TRPC5: variants seen among roughly 807,000 people sequenced by gnomAD.
TRPC5 encodes the protein short transient receptor potential channel 5.
Under a neutral mutation model 56.5 loss-of-function variants are expected in TRPC5, and 9 were observed. That is an observed-to-expected ratio of 0.16 (90% CI 0.10 to 0.28). The LOEUF is 0.28. Among genes scored for constraint, TRPC5 ranks in the 10% least tolerant of loss-of-function variants. The pLI, the probability that TRPC5 is intolerant of heterozygous loss-of-function variation, is 1.00. For synonymous variants in TRPC5, 282 were observed against 278.5 expected (o/e 1.01, Z -0.13); for missense variants, 469 against 748.9 (o/e 0.63, Z 4.36).
At chrX:111,882,686 G>A (rs778054247) in intron 3 of TRPC5, among the ~76,000 whole-genome samples, 1 of 112,795 alleles carries the variant, frequency 8.9e-6, no homozygotes, top group South Asian at 3.7e-4. Context: ...AAGGCAGCTT[G>A]GTTACAATCT....
chrX:111,964,661 G>A lies in TRPC5; in HGVS notation c.-21-12220C>T, dbSNP rs201523714. ...CTCTACAAGCCAGAAGAGAGTGGGGGCCAATATTCAACACCCTTAAAGAAA... is the reference window on the plus strand; with the variant it reads ...CTCTACAAGCCAGAAGAGAGTGGGGACCAATATTCAACACCCTTAAAGAAA... On this transcript the variant is annotated intron_variant, in intron 1 of 10. Transcript: ENST00000262839. Among the ~76,000 whole-genome samples, 8 of 112,334 alleles carry A rather than the reference G, an allele frequency of 7.1e-5. No individual in the cohort carries two copies. In the East Asian group the frequency reaches 1.7e-3, roughly 23 times the overall value.
At chrX:111,951,941 G>T in intron 2 of TRPC5, 102 bp downstream of exon 2, 1 of 1,075,699 alleles carries the variant, frequency 9.3e-7, no homozygotes, top group Non-Finnish European at 1.2e-6. Context: ...CTGAGATAGG[G>T]CATCTCAATT....
At chrX:111,951,132 T>A (rs1229374590) in intron 2 of TRPC5, among the ~76,000 whole-genome samples, 1 of 111,940 alleles carries the variant, frequency 8.9e-6, no homozygotes, top group Non-Finnish European at 1.9e-5. Context: ...TTTATGTTAA[T>A]CTAGGACAGC....
chrX:111,864,474 C>T (rs1216141513), intron 3 of TRPC5, among the ~76,000 whole-genome samples: 1 of 112,064 alleles, frequency 8.9e-6, no homozygotes, highest in Non-Finnish European at 1.9e-5. Flanking sequence ...GAAGACCAGT[C>T]CTGGGAATTG....
At chrX:111,987,646 T>C (rs73548121) in intron 1 of TRPC5, among the ~76,000 whole-genome samples, 8,049 of 112,064 alleles carry the variant, frequency 0.072, 465 homozygotes, top group African/African-American at 0.19. Context: ...AGGTTCTCCA[T>C]GTTGTCGCAA....
At chrX:111,781,654 G>A (rs754153043) in intron 8 of TRPC5, among the ~76,000 whole-genome samples, 1 of 112,269 alleles carries the variant, frequency 8.9e-6, no homozygotes, top group South Asian at 3.7e-4. Flanking sequence ...AACCTGGGAG[G>A]CAGAGGTGGC....
chrX:111,957,702 G>A (rs1927272980), intron 1 of TRPC5, among the ~76,000 whole-genome samples: 1 of 112,077 alleles, frequency 8.9e-6, no homozygotes, highest in African/African-American at 3.2e-5. Flanking sequence ...CAGTGTTTCA[G>A]TTCAATAAGT....
chrX:112,055,883 G>A (rs1380540877), intron 1 of TRPC5, among the ~76,000 whole-genome samples: 1 of 110,066 alleles, frequency 9.1e-6, no homozygotes, highest in Non-Finnish European at 1.9e-5. Flanking sequence ...GTTGTAGTAA[G>A]GGGGAGGGAG....
chrX:111,923,967 C>T, intron 2 of TRPC5, among the ~76,000 whole-genome samples: 1 of 111,858 alleles, frequency 8.9e-6, no homozygotes, highest in Non-Finnish European at 1.9e-5. Flanking sequence ...GTTCTTGGTT[C>T]ACTTTGTATA....
intron 3 of TRPC5, chrX:111,902,186 G>T: frequency 9.1e-7 from 1 of 1,098,945 alleles, no homozygotes; most frequent in South Asian, 2.3e-5. Context: ...AGGTGACTAA[G>T]ACCCAATTTC....
At position 111,782,147 on chromosome X, in the gene TRPC5, G is replaced by T. The variant is rs915219897; in HGVS notation, c.1897-9C>A. ...TCGATATCAGCATGATCCTATGAAA[G>T]ATAATGAAGTTCAAGGATTTGGGAT... On this transcript the variant is annotated splice_polypyrimidine_tract_variant and intron_variant, in intron 7 of 10. Coordinates refer to ENST00000262839, the MANE Select transcript of TRPC5 (RefSeq NM_012471.3). 2.5e-6 allele frequency: 3 copies of T among 1,189,337 alleles called. No individual in the cohort carries two copies. Among genetic ancestry groups the T allele is most frequent in the Non-Finnish European group, 3.4e-6 (3 of 883,309 alleles).
chrX:111,956,619 G>A (rs554857750), intron 1 of TRPC5, among the ~76,000 whole-genome samples: 12 of 111,286 alleles, frequency 1.1e-4, no homozygotes, highest in African/African-American at 3.3e-4. Context: ...TGGGCTGGTC[G>A]TGGGAAAGTT....
At chrX:111,963,758 A>G (rs1433771705) in intron 1 of TRPC5, among the ~76,000 whole-genome samples, 1 of 112,302 alleles carries the variant, frequency 8.9e-6, no homozygotes, top group Non-Finnish European at 1.9e-5. Flanking sequence ...GCTGCAGCTG[A>G]GGGACCTGTC....
intron 1 of TRPC5, among the ~76,000 whole-genome samples, chrX:112,004,313 G>A (rs1369443731): frequency 3.6e-5 from 4 of 112,361 alleles, no homozygotes; most frequent in Admixed American, 2.8e-4. Flanking sequence ...TTGCTGTGGA[G>A]CATTTTGAAC....
intron 7 of TRPC5, among the ~76,000 whole-genome samples, chrX:111,785,312 C>T (rs1220062019): frequency 8.9e-6 from 1 of 112,005 alleles, no homozygotes; most frequent in African/African-American, 3.3e-5. Context: ...AGACCTGTAG[C>T]TGAGGGACCT....
intron 1 of TRPC5, among the ~76,000 whole-genome samples, chrX:111,972,495 C>T (rs7063059): frequency 0.23 from 25,419 of 111,081 alleles, 3,261 homozygotes; most frequent in African/African-American, 0.49. Flanking sequence ...CAAGAGAGAG[C>T]GATACAAAAT....
chrX:111,804,138 T>C (rs1474515395), intron 7 of TRPC5, among the ~76,000 whole-genome samples: 1 of 112,202 alleles, frequency 8.9e-6, no homozygotes, highest in African/African-American at 3.2e-5. Flanking sequence ...TTTTGTCAGG[T>C]TTGTCAAAGA....
intron 10 of TRPC5, 116 bp from the exon 11 acceptor site, chrX:111,777,118 C>A (rs1945885290): frequency 1.9e-6 from 1 of 525,043 alleles, no homozygotes; most frequent in Admixed American, 3.8e-5. Context: ...TCACAAAACA[C>A]CAGAAAAATC....
chrX:111,970,795 A>G (rs1321656780), intron 1 of TRPC5, among the ~76,000 whole-genome samples: 1 of 95,039 alleles, frequency 1.1e-5, no homozygotes, highest in African/African-American at 4.5e-5. Context: ...TTTTTGACAG[A>G]GCCTTGCTCT....
Sources: gnomAD v4.1 joint callset for allele counts (sites outside exome capture counted in the v4.1 genomes callset) on GRCh38, gnomAD v4.1.1 for gene constraint, MANE v1.5 for transcripts, NCBI Gene and HGNC (gene_info 2026-07-23, HGNC 2026-07-21) for gene names.